RABEP1: variants seen among roughly 807,000 people sequenced by gnomAD.
RABEP1 encodes rabaptin, RAB GTPase binding effector protein 1, also known as rab GTPase-binding effector protein 1.
In RABEP1, 51 loss-of-function variants were observed where a neutral mutation model predicts 123.4. That is an observed-to-expected ratio of 0.41 (90% CI 0.33 to 0.52). The LOEUF is 0.52. Ranked by LOEUF, RABEP1 falls within the 20% of genes least tolerant of loss-of-function variation. The probability of loss-of-function intolerance (pLI) is 0.16; values close to 1 mark genes in which losing one functional copy is unlikely to be tolerated. For missense variants in RABEP1, 888 were observed against 996.3 expected, an observed-to-expected ratio of 0.89 and a Z score of 1.46; for synonymous variants, 347 against 355.2, an observed-to-expected ratio of 0.98 and a Z score of 0.26.
chr17:5,322,877 C>G (rs1905519716), intron 2 of RABEP1, among the ~76,000 whole-genome samples: 1 of 152,124 alleles, frequency 6.6e-6, no homozygotes, highest in Admixed American at 6.5e-5. Context: ...GAGTTTGAGA[C>G]CAGCCTGGCC....
At chr17:5,373,847 C>A (rs1316272008) in intron 13 of RABEP1, among the ~76,000 whole-genome samples, 1 of 152,114 alleles carries the variant, frequency 6.6e-6, no homozygotes, top group East Asian at 1.9e-4. Flanking sequence ...TCTGGACTTT[C>A]CTATGAATAG....
rs185586916 is a variant in RABEP1 at position 5,356,939 on chromosome 17, G to A, written c.1095+2449G>A. The stretch of plus-strand genomic sequence containing the variant: ...TTCACCCAGGCTGGAGTGCAGTGGC[G>A]TGATCTCAGCTCATTGCAACCTCTG... On this transcript the variant is annotated intron_variant, in intron 8 of 17. Transcript: ENST00000537505. Among the ~76,000 whole-genome samples the A allele has an allele frequency of 2.4e-3, 362 of 152,146 alleles. 3 individuals are homozygous for A. Among genetic ancestry groups the A allele is most frequent in the African/African-American group, 8.3e-3 (343 of 41,514 alleles).
At chr17:5,332,650 A>T (rs1597363882) in intron 3 of RABEP1, among the ~76,000 whole-genome samples, 1 of 125,026 alleles carries the variant, frequency 8.0e-6, no homozygotes, top group Admixed American at 1.0e-4. Flanking sequence ...TCCAGCTTGG[A>T]GTGCAGTGGC....
At chr17:5,365,562 C>A in intron 11 of RABEP1, among the ~76,000 whole-genome samples, 1 of 151,284 alleles carries the variant, frequency 6.6e-6, no homozygotes, top group Non-Finnish European at 1.5e-5. Flanking sequence ...AAAAGTATAG[C>A]AACATGAAAG....
chr17:5,305,530 G>C (rs2075172176), intron 1 of RABEP1, among the ~76,000 whole-genome samples: 2 of 152,142 alleles, frequency 1.3e-5, no homozygotes, highest in Admixed American at 6.5e-5. Flanking sequence ...ATGTTGAGGG[G>C]TATGGGTGTT....
At chr17:5,342,998 G>A (rs757739100) in intron 5 of RABEP1, among the ~76,000 whole-genome samples, 152 of 152,132 alleles carry the variant, frequency 1.0e-3, no homozygotes, top group Non-Finnish European at 1.8e-3. Flanking sequence ...GGTGGCTCGC[G>A]CCTGCCATCT....
At chr17:5,320,214 A>C (rs1287973598) in intron 2 of RABEP1, among the ~76,000 whole-genome samples, 1 of 152,094 alleles carries the variant, frequency 6.6e-6, no homozygotes, top group Non-Finnish European at 1.5e-5. Flanking sequence ...GTAAGGAAGG[A>C]GTGGAATGAC....
At chr17:5,291,614 A>T (rs2075034440) in intron 1 of RABEP1, among the ~76,000 whole-genome samples, 1 of 151,834 alleles carries the variant, frequency 6.6e-6, no homozygotes, top group Non-Finnish European at 1.5e-5. Context: ...GTTTTGTTTT[A>T]TTAGTGGTTT....
chr17:5,352,735 G>T (rs185832369), intron 7 of RABEP1, among the ~76,000 whole-genome samples: 2 of 152,032 alleles, frequency 1.3e-5, no homozygotes, highest in Non-Finnish European at 2.9e-5. Flanking sequence ...GGAAGCTGAG[G>T]CAGGAGAATC....
chr17:5,305,346 C>A (rs1472779346), intron 1 of RABEP1, among the ~76,000 whole-genome samples: 1 of 152,082 alleles, frequency 6.6e-6, no homozygotes, highest in Non-Finnish European at 1.5e-5. Context: ...TGAACACTGT[C>A]CTGAAGCCTG....
At chr17:5,302,258 T>TTTTTTTTTTTTTTG (rs2075141953) in intron 1 of RABEP1, among the ~76,000 whole-genome samples, 2 of 148,986 alleles carry the variant, frequency 1.3e-5, no homozygotes, top group African/African-American at 2.5e-5. Flanking sequence ...TTTTTTTTTT[T>TTTTTTTTTTTTTTG]GAGATGGAGT....
chr17:5,295,736 G>A (rs2075077361), intron 1 of RABEP1, among the ~76,000 whole-genome samples: 1 of 152,172 alleles, frequency 6.6e-6, no homozygotes, highest in African/African-American at 2.4e-5. Context: ...TTTTCTGTGT[G>A]TTACACGTTC....
intron 1 of RABEP1, among the ~76,000 whole-genome samples, chr17:5,284,753 C>A (rs538712841): frequency 2.8e-4 from 42 of 151,920 alleles, no homozygotes; most frequent in African/African-American, 9.7e-4. Flanking sequence ...GGTGTGAGCC[C>A]GTGAGTCCGG....
At chr17:5,309,847 C>T (rs2075218723) in intron 2 of RABEP1, among the ~76,000 whole-genome samples, 1 of 152,154 alleles carries the variant, frequency 6.6e-6, no homozygotes, top group Non-Finnish European at 1.5e-5. Flanking sequence ...TCATTATCGT[C>T]ATCATCACCT....
At chr17:5,320,436 A>G (rs955048730) in intron 2 of RABEP1, among the ~76,000 whole-genome samples, 1 of 148,790 alleles carries the variant, frequency 6.7e-6, no homozygotes, top group African/African-American at 2.5e-5. Context: ...AAAAAAAAAA[A>G]AAAAAAAAGA....
At chr17:5,295,087 A>G (rs916111906) in intron 1 of RABEP1, among the ~76,000 whole-genome samples, 7 of 151,792 alleles carry the variant, frequency 4.6e-5, no homozygotes, top group Admixed American at 4.6e-4. Flanking sequence ...TTATTAAATA[A>G]TGTTATTTTT....
intron 2 of RABEP1, among the ~76,000 whole-genome samples, chr17:5,313,920 CCT>C (rs1408803096): frequency 6.6e-6 from 1 of 152,174 alleles, no homozygotes; most frequent in African/African-American, 2.4e-5. Context: ...GAAGATTTCC[CCT>C]GAGACAGCAG....
chr17:5,367,245 TACACACACACACAC>T (rs145302611), intron 11 of RABEP1, among the ~76,000 whole-genome samples: 1 of 147,666 alleles, frequency 6.8e-6, no homozygotes, highest in Non-Finnish European at 1.5e-5. Context: ...AGAACTTAGA[TACACACACACACAC>T]ACACACACAC....
chr17:5,379,340 A>G (rs769535766), intron 15 of RABEP1, among the ~76,000 whole-genome samples: 30 of 152,162 alleles, frequency 2.0e-4, no homozygotes, highest in Non-Finnish European at 3.8e-4. Context: ...CGACTTTTCC[A>G]GATGTCCCCG....
Sources: allele counts gnomAD v4.1 joint callset (sites outside exome capture counted in the v4.1 genomes callset), GRCh38; gene constraint gnomAD v4.1.1; transcripts MANE v1.5; gene names NCBI Gene and HGNC (gene_info 2026-07-23, HGNC 2026-07-21).